CNOT2: variants seen among roughly 807,000 people sequenced by gnomAD.
CNOT2 encodes the protein CC chemokine receptor 4-negative regulator of transcription 2.
A neutral mutation model predicts 72.1 loss-of-function variants in CNOT2; 7 were observed. The observed-to-expected ratio is 0.10, with a 90% CI of 0.06 to 0.18. The LOEUF is 0.18. Ranked by LOEUF, CNOT2 falls within the 10% of genes least tolerant of loss-of-function variation. The pLI is 1.00. For missense variants in CNOT2, 345 were observed against 660.3 expected, an observed-to-expected ratio of 0.52 and a Z score of 5.23; for synonymous variants, 196 against 225.6, an observed-to-expected ratio of 0.87 and a Z score of 1.17.
At chr12:70,246,567 C>T (rs993301542) in intron 1 of CNOT2, among the ~76,000 whole-genome samples, 3 of 152,094 alleles carry the variant, frequency 2.0e-5, no homozygotes, top group Non-Finnish European at 4.4e-5. Flanking sequence ...GGTGACTGTT[C>T]TTCCTTACTA....
rs796473496 is a variant in CNOT2, at chr12:70,269,661, G to T, written c.-95-8471G>T. ...GATATGAAAATATCTGTGGTTTCTA[G>T]TGGTAACAAAAATCATCACAGGTGC... On this transcript the variant is annotated intron_variant, in intron 1 of 15. Coordinates refer to ENST00000229195, the MANE Select transcript of CNOT2 (RefSeq NM_014515.7). Among the ~76,000 whole-genome samples, 7 of 152,164 alleles carry T rather than the reference G, an allele frequency of 4.6e-5. No homozygotes were observed. In the South Asian group the frequency reaches 1.4e-3, roughly 31 times the overall value.
At chr12:70,264,654 G>T (rs1279663963) in intron 1 of CNOT2, among the ~76,000 whole-genome samples, 1 of 152,086 alleles carries the variant, frequency 6.6e-6, no homozygotes, top group Admixed American at 6.6e-5. Context: ...AATTCTGTTG[G>T]CCTGTCTGTC....
rs186869348 is a variant in CNOT2 at position 70,305,011 on chromosome 12, C to T, written c.49-5884C>T. ...TAATCTGGTGTGCCTTTTGTTAAAC[C>T]TGTTGGAAAAGTGCAGTATTAGGGT... is the stretch of plus-strand genomic sequence containing the variant. On this transcript the variant is annotated intron_variant, in intron 2 of 15. Coordinates refer to ENST00000229195, the MANE Select transcript of CNOT2 (RefSeq NM_014515.7). Among the ~76,000 whole-genome samples the T allele has an allele frequency of 1.9e-4, 29 of 152,332 alleles. No individual in the cohort carries two copies. The East Asian group carries it at 5.2e-3, about 27-fold the overall frequency.
At chr12:70,333,238 G>C (rs1405298253) in intron 7 of CNOT2, among the ~76,000 whole-genome samples, 1 of 151,858 alleles carries the variant, frequency 6.6e-6, no homozygotes, top group East Asian at 1.9e-4. Context: ...TGGAGATCCA[G>C]ATTGAAGAGA....
At chr12:70,248,437 TTATC>T (rs1429268632) in intron 1 of CNOT2, among the ~76,000 whole-genome samples, 4 of 152,182 alleles carry the variant, frequency 2.6e-5, no homozygotes, top group Non-Finnish European at 5.9e-5. Context: ...TTGATTATTA[TTATC>T]TTTCTTAATC....
intron 1 of CNOT2, among the ~76,000 whole-genome samples, chr12:70,253,584 G>C (rs921458458): frequency 6.6e-6 from 1 of 152,102 alleles, no homozygotes; most frequent in Non-Finnish European, 1.5e-5. Context: ...TCCAGTCTGG[G>C]CTCTATAAAC....
chr12:70,321,423 A>G (rs1052053968), intron 4 of CNOT2: 1 of 151,918 alleles, frequency 6.6e-6, no homozygotes, highest in Non-Finnish European at 1.5e-5. Flanking sequence ...GCAGAACACA[A>G]GCTACCATGT....
At chr12:70,317,706 A>T (rs562933638) in intron 3 of CNOT2, among the ~76,000 whole-genome samples, 1 of 149,348 alleles carries the variant, frequency 6.7e-6, no homozygotes, top group Non-Finnish European at 1.5e-5. Context: ...GCCCTACCTC[A>T]AGAGTTACTG....
intron 6 of CNOT2, among the ~76,000 whole-genome samples, chr12:70,332,017 G>A (rs1298680046): frequency 6.6e-6 from 1 of 151,248 alleles, no homozygotes; most frequent in Admixed American, 6.6e-5. Flanking sequence ...AAAAGGGAGG[G>A]AGGCAACTGT....
intron 1 of CNOT2, among the ~76,000 whole-genome samples, chr12:70,277,248 T>C (rs893885268): frequency 2.6e-5 from 4 of 152,170 alleles, no homozygotes; most frequent in Non-Finnish European, 5.9e-5. Flanking sequence ...TGAAAATGCA[T>C]ATTTACAAAT....
intron 7 of CNOT2, 169 bp from the exon 8 acceptor site, chr12:70,335,269 A>C (rs2272181): frequency 4.1e-6 from 2 of 483,952 alleles, no homozygotes; most frequent in Non-Finnish European, 7.4e-6. Context: ...ATTCTTTGAC[A>C]TGAAATCAAT....
At chr12:70,271,676 ATTTACTC>A (rs1959252955) in intron 1 of CNOT2, among the ~76,000 whole-genome samples, 1 of 152,050 alleles carries the variant, frequency 6.6e-6, no homozygotes, top group Non-Finnish European at 1.5e-5. Flanking sequence ...CCCGACCAGC[ATTTACTC>A]TTGAACCATG....
At chr12:70,306,544 TC>T (rs1210335875) in intron 2 of CNOT2, among the ~76,000 whole-genome samples, 2 of 152,196 alleles carry the variant, frequency 1.3e-5, no homozygotes, top group Non-Finnish European at 2.9e-5. Flanking sequence ...AGATCTGTGT[TC>T]AAAAAAGGTT....
intron 2 of CNOT2, among the ~76,000 whole-genome samples, chr12:70,285,074 A>G (rs780726167): frequency 6.6e-6 from 1 of 152,204 alleles, no homozygotes; most frequent in Non-Finnish European, 1.5e-5. Flanking sequence ...AAAATAGTTT[A>G]CATTTAAGTG....
chr12:70,281,107 T>A (rs1285020547), intron 2 of CNOT2, among the ~76,000 whole-genome samples: 1 of 151,808 alleles, frequency 6.6e-6, no homozygotes, highest in African/African-American at 2.4e-5. Flanking sequence ...TTTCTTTTTT[T>A]TTGAGACGGA....
intron 2 of CNOT2, among the ~76,000 whole-genome samples, chr12:70,306,661 T>G (rs1875452959): frequency 1.3e-5 from 2 of 152,160 alleles, no homozygotes; most frequent in African/African-American, 4.8e-5. Context: ...AGGTGGTCAC[T>G]TAACAAAGTA....
intron 2 of CNOT2, among the ~76,000 whole-genome samples, chr12:70,304,152 C>T (rs1874731514): frequency 6.6e-6 from 1 of 152,038 alleles, no homozygotes; most frequent in Non-Finnish European, 1.5e-5. Flanking sequence ...GTTCGAACTT[C>T]CTCCTTAGTT....
intron 3 of CNOT2, among the ~76,000 whole-genome samples, chr12:70,311,392 G>A (rs1210190487): frequency 6.6e-6 from 1 of 151,994 alleles, no homozygotes; most frequent in Non-Finnish European, 1.5e-5. Flanking sequence ...ACGCAGACTT[G>A]AAGATATAAT....
intron 1 of CNOT2, among the ~76,000 whole-genome samples, chr12:70,266,590 T>C (rs1959057719): frequency 6.6e-6 from 1 of 152,200 alleles, no homozygotes; most frequent in African/African-American, 2.4e-5. Context: ...TTCAGGCTTA[T>C]TAGTTTTTGG....
Sources: gnomAD v4.1 joint callset for allele counts (sites outside exome capture counted in the v4.1 genomes callset) on GRCh38, gnomAD v4.1.1 for gene constraint, MANE v1.5 for transcripts, NCBI Gene and HGNC (gene_info 2026-07-23, HGNC 2026-07-21) for gene names.